The following PLA2R1 variants were observed in gnomAD, a reference collection of about 807,000 sequenced individuals.
PLA2R1 encodes secretory phospholipase A2 receptor.
A neutral mutation model predicts 195.9 loss-of-function variants in PLA2R1; 158 were observed. The ratio of observed to expected loss-of-function variants is 0.81; its 90% CI spans 0.71 to 0.92. PLA2R1 has a LOEUF of 0.92. PLA2R1 is among the 40% of genes least tolerant of loss of function. The pLI is 0.00. For missense variants in PLA2R1, 1,626 were observed against 1,764.6 expected (o/e 0.92, Z 1.41); for synonymous variants, 586 against 598.2 (o/e 0.98, Z 0.30).
At chr2:159,924,790 T>C in the PLA2R1 span, among the ~76,000 whole-genome samples, 1 of 152,172 alleles carries the variant, frequency 6.6e-6, no homozygotes, top group African/African-American at 2.4e-5. Context: ...AGAAGTGGAT[T>C]TGGGGTCGTG....
chr2:159,965,813 C>T (rs1304969287), intron 20 of PLA2R1, among the ~76,000 whole-genome samples: 1 of 152,170 alleles, frequency 6.6e-6, no homozygotes, highest in Non-Finnish European at 1.5e-5. Flanking sequence ...GTAGTGTTGT[C>T]AGTGCTCTGG....
At position 159,951,331 on chromosome 2, in the gene PLA2R1, G is replaced by C. The variant is rs1448181869; in HGVS notation, c.3540+9C>G. The C allele has an allele frequency of 6.8e-7, 1 of 1,477,192 alleles. No homozygotes were observed. Among genetic ancestry groups the C allele is most frequent in the East Asian group, 2.3e-5 (1 of 44,270 alleles). The allele number at this position is 1,477,192 out of a possible 1,614,324, so 91.5% of individuals were successfully genotyped here. ...TTCAAGGATGTCTCAAGGGAGTTAG[G>C]ATACCTACATCTGTGGTGAACAGTC... On this transcript the variant is annotated intron_variant, in intron 24 of 29. Coordinates refer to ENST00000283243, the MANE Select transcript of PLA2R1 (RefSeq NM_007366.5).
chr2:160,049,132 C>T lies in PLA2R1; in HGVS notation c.110-3975G>A, dbSNP rs868460559. Among the ~76,000 whole-genome samples the T allele has an allele frequency of 3.2e-4, 48 of 152,180 alleles. 1 individual carries two copies. Among genetic ancestry groups the T allele is most frequent in the Non-Finnish European group, 1.9e-4 (13 of 67,994 alleles). ...CTGGGATTACAGGCGTGAGCCACCGCGCCCGGCCAGAAGAAACTTATAAGC... is the reference window on the plus strand; with the variant it reads ...CTGGGATTACAGGCGTGAGCCACCGTGCCCGGCCAGAAGAAACTTATAAGC... On this transcript the variant is annotated intron_variant, in intron 1 of 29. Transcript: ENST00000283243.
chr2:159,978,023 T>C (rs2105280919), intron 14 of PLA2R1, among the ~76,000 whole-genome samples: 1 of 152,350 alleles, frequency 6.6e-6, no homozygotes, highest in Admixed American at 6.5e-5. Context: ...GGTCTGAATT[T>C]GCACATTTTT....
At chr2:160,020,300 A>C (rs1407176726) in intron 7 of PLA2R1, 37 bp from the exon 8 acceptor site, 19 of 1,506,080 alleles carry the variant, frequency 1.3e-5, no homozygotes, top group Non-Finnish European at 1.6e-5. Context: ...ATGGGATCCT[A>C]TTATTTGCAA....
chr2:159,970,001 A>T (rs1311173891), intron 18 of PLA2R1, 147 bp downstream of exon 18: 1 of 564,652 alleles, frequency 1.8e-6, no homozygotes, highest in Non-Finnish European at 3.1e-6. Flanking sequence ...TCTTTAAAAA[A>T]CACTCATGTC....
chr2:160,056,704 T>C (rs1014582657), intron 1 of PLA2R1, among the ~76,000 whole-genome samples: 2 of 152,218 alleles, frequency 1.3e-5, no homozygotes, highest in South Asian at 2.1e-4. Context: ...AGACGGTTTC[T>C]TTGCTGCCTT....
rs560498473 is a variant in PLA2R1, at chr2:160,061,585, G to T, written c.109+710C>A. 1.0e-3 allele frequency among the ~76,000 whole-genome samples: 159 copies of T among 152,152 alleles called. 1 individual carries two copies. The highest frequency in any genetic ancestry group is 1.6e-3 in the Non-Finnish European group (110 of 67,998). ...GCCCAGGAGTTGGAGACCAGCCTGG[G>T]CAACATGGTGAAACTCCGTCTCCAC... On this transcript the variant is annotated intron_variant, in intron 1 of 29. Transcript: ENST00000283243.
chr2:159,971,803 T>C (rs758850646), intron 17 of PLA2R1, among the ~76,000 whole-genome samples: 2 of 152,190 alleles, frequency 1.3e-5, no homozygotes, highest in South Asian at 4.1e-4. Context: ...CAGAACCCAA[T>C]AGCCCTCTAA....
intron 1 of PLA2R1, among the ~76,000 whole-genome samples, chr2:160,046,117 T>C (rs1013234194): frequency 6.6e-6 from 1 of 152,250 alleles, no homozygotes; most frequent in Non-Finnish European, 1.5e-5. Flanking sequence ...CACAGGCTTT[T>C]TGAAGATGGA....
intron 14 of PLA2R1, among the ~76,000 whole-genome samples, chr2:159,977,783 A>C (rs1689677039): frequency 1.3e-5 from 2 of 152,010 alleles, no homozygotes; most frequent in Admixed American, 1.3e-4. Context: ...TAAAAATACA[A>C]AAACAAAAAA....
At chr2:160,042,824 TG>T (rs1694611412) in intron 2 of PLA2R1, among the ~76,000 whole-genome samples, 1 of 116,774 alleles carries the variant, frequency 8.6e-6, no homozygotes, top group Admixed American at 9.5e-5. Flanking sequence ...TGTGTGTGTG[TG>T]TGTGTGTGTG....
At chr2:160,013,675 T>TTC (rs1194944207) in intron 9 of PLA2R1, among the ~76,000 whole-genome samples, 844 of 65,390 alleles carry the variant, frequency 0.013, 8 homozygotes, top group East Asian at 0.027. Context: ...ACCTCTCTCT[T>TTC]TCTCTCTCTC....
In PLA2R1 at chr2:159,940,612, G is replaced by A. The variant is rs1371169345; in HGVS notation, c.*1166C>T. On this transcript the variant is annotated 3_prime_UTR_variant, in exon 30 of 30. Coordinates refer to ENST00000283243, the MANE Select transcript of PLA2R1 (RefSeq NM_007366.5). ...CAGTTATGTAATGAGTAAATTTTTA[G>A]ATATTGATTATGAAGCTGTTTTCTT... The A allele has an allele frequency of 4.6e-5, 7 of 152,064 alleles. No individual in the cohort carries two copies. The highest frequency in any genetic ancestry group is 1.7e-4 in the African/African-American group (7 of 41,412). The allele number at this position is 152,064 out of a possible 1,614,324, so 9.4% of individuals were successfully genotyped here.
At position 160,005,653 on chromosome 2, in the gene PLA2R1, C is replaced by T. The variant is rs544278191; in HGVS notation, c.1833G>A (p.Pro611=). ...GGTGATGCAGCACACTCTACTCACG[C>T]GGCTGGTGTGTGTTCCAGTGTGTGT... ...VQYTHWNTHQ[P]RYSGGCVAMR... is the part of the protein sequence containing the mutation. Residue 611 remains proline, a splice_region_variant and synonymous_variant, in exon 11 of 30, where the codon CCG becomes CCA. Coordinates refer to ENST00000283243, the MANE Select transcript of PLA2R1 (RefSeq NM_007366.5). 1.6e-5 allele frequency: 25 copies of T among 1,612,612 alleles called. No individual in the cohort carries two copies. The highest frequency in any genetic ancestry group is 5.3e-5 in the African/African-American group (4 of 74,872).
At chr2:160,007,362 G>C (rs1692065190) in intron 10 of PLA2R1, among the ~76,000 whole-genome samples, 1 of 152,174 alleles carries the variant, frequency 6.6e-6, no homozygotes, top group African/African-American at 2.4e-5. Context: ...CCCAGACCTA[G>C]GTGAGGACAA....
chr2:159,949,555 G>T, intron 25 of PLA2R1, 53 bp downstream of exon 25: 1 of 1,327,498 alleles, frequency 7.5e-7, no homozygotes, highest in Non-Finnish European at 1.1e-6. Context: ...ACAGTGTCTT[G>T]CATACAGTAG....
rs1047644554 is a variant in PLA2R1, at chr2:159,938,508, A to C, written c.*3270T>G. 3.9e-5 allele frequency: 6 copies of C among 152,286 alleles called. No homozygotes were observed. Among genetic ancestry groups the C allele is most frequent in the Admixed American group, 3.9e-4 (6 of 15,288 alleles). 9.4% of individuals were successfully genotyped at this position (152,286 alleles called of 1,614,324 possible). Reference sequence around the variant, plus strand: ...TGACTGCCTTGTAGCCAAGAACTGCAGTGTTCGGATAGGGAATTCAACAGG... The same window carrying C: ...TGACTGCCTTGTAGCCAAGAACTGCCGTGTTCGGATAGGGAATTCAACAGG... On this transcript the variant is annotated 3_prime_UTR_variant, in exon 30 of 30. Coordinates refer to ENST00000283243, the MANE Select transcript of PLA2R1 (RefSeq NM_007366.5).
intron 20 of PLA2R1, among the ~76,000 whole-genome samples, chr2:159,962,647 A>G (rs1186225686): frequency 1.3e-5 from 2 of 152,232 alleles, no homozygotes; most frequent in Non-Finnish European, 2.9e-5. Flanking sequence ...ATGTCCATCA[A>G]TGATAGACTG....
Sources: allele counts gnomAD v4.1 joint callset (sites outside exome capture counted in the v4.1 genomes callset), GRCh38; gene constraint gnomAD v4.1.1; transcripts MANE v1.5; gene names NCBI Gene and HGNC (gene_info 2026-07-23, HGNC 2026-07-21).